Variants in MCRIP2 observed in about 807,000 individuals in gnomAD.
MCRIP2 encodes the protein MAPK regulated corepressor interacting protein 2.
Under a neutral mutation model 23.2 loss-of-function variants are expected in MCRIP2, and 21 were observed. That is an observed-to-expected ratio of 0.90 (90% CI 0.64 to 1.30). The LOEUF (loss-of-function observed/expected upper bound fraction) is 1.30. Among genes scored for constraint, MCRIP2 ranks in the 50% most tolerant of loss-of-function variants. The pLI is 0.00. For missense variants in MCRIP2, 234 were observed against 223.2 expected (o/e 1.05, Z -0.31); for synonymous variants, 121 against 100.2 (o/e 1.21, Z -1.24).
chr16:644,662 A>T (rs1354267944), intron 2 of MCRIP2, among the ~76,000 whole-genome samples: 1 of 152,028 alleles, frequency 6.6e-6, no homozygotes, highest in Non-Finnish European at 1.5e-5. Context: ...GTAGTATTCA[A>T]TTCCTGGGCT....
chr16:647,993 C>G (rs1567211388), intron 4 of MCRIP2, 109 bp downstream of exon 4: 104 of 1,192,384 alleles, frequency 8.7e-5, no homozygotes, highest in Non-Finnish European at 1.2e-4. Context: ...GACTCTTGTG[C>G]AGAAACCCCT....
chr16:646,973 A>C lies in MCRIP2; in HGVS notation c.183-444A>C. The C allele has an allele frequency of 5.8e-6, 1 of 172,000 alleles. No individual in the cohort carries two copies. Among genetic ancestry groups the C allele is most frequent in the Non-Finnish European group, 1.2e-5 (1 of 80,144 alleles). 10.7% of individuals were successfully genotyped at this position (172,000 alleles called of 1,614,324 possible). A position where few individuals can be genotyped will look rare whatever the true frequency, so the allele number is the denominator to read the frequency against. ...ATGGAGGTGCTTCTGTGGGGCGAGA[A>C]TGTGGCCTAGAACTACACCCAGAGT... On this transcript the variant is annotated intron_variant, in intron 2 of 4. Coordinates refer to ENST00000307650, the MANE Select transcript of MCRIP2 (RefSeq NM_138418.4). The surrounding 1 kb of genome is among the most constrained non-coding windows in gnomAD (Gnocchi z 6.5).
intron 2 of MCRIP2, among the ~76,000 whole-genome samples, chr16:644,862 T>G (rs2037437560): frequency 6.6e-6 from 1 of 152,124 alleles, no homozygotes; most frequent in Non-Finnish European, 1.5e-5. Context: ...TCAAGGCTTG[T>G]CACCCATGAT....
At chr16:643,750 G>T (rs1463588482) in intron 2 of MCRIP2, among the ~76,000 whole-genome samples, 7 of 151,912 alleles carry the variant, frequency 4.6e-5, no homozygotes, top group Non-Finnish European at 5.9e-5. Flanking sequence ...GCCAGGATGG[G>T]CTCGATCTCC....
At chr16:644,632 G>A (rs2037431995) in intron 2 of MCRIP2, among the ~76,000 whole-genome samples, 1 of 152,042 alleles carries the variant, frequency 6.6e-6, no homozygotes, top group South Asian at 2.1e-4. Context: ...ATGTAGACAG[G>A]TCTCACTATG....
intron 2 of MCRIP2, chr16:645,717 G>A (rs1567209708): frequency 6.6e-6 from 1 of 152,364 alleles, no homozygotes. Context: ...AAGGGACAAT[G>A]GAATGAACCC....
chr16:642,034 C>A lies in MCRIP2; in HGVS notation c.43C>A (p.Arg15Ser). 1 of 1,323,650 alleles carries A rather than the reference C, an allele frequency of 7.6e-7. No individual in the cohort carries two copies. The highest frequency in any genetic ancestry group is 9.6e-7 in the Non-Finnish European group (1 of 1,039,638). The allele number at this position is 1,323,650 out of a possible 1,614,324, so 82.0% of individuals were successfully genotyped here. ...TKGPSKLVAQ[R>S]RTGPTQQQVE... ...GGGGCCCAGCAAGCTGGTCGCGCAG[C>A]GCCGCACAGGTGCGCACGGGCCGGG... The change falls in exon 1 of 5, where the codon CGC becomes AGC. Residue 15 changes from arginine (R) to serine (S), a missense_variant. Coordinates refer to ENST00000307650, the MANE Select transcript of MCRIP2 (RefSeq NM_138418.4).
rs2037477206 is a variant in MCRIP2, at chr16:646,186, C to T, written c.183-1231C>T. 6.6e-6 allele frequency: 1 copy of T among 152,246 alleles called. No homozygotes were observed. Among genetic ancestry groups the T allele is most frequent in the Admixed American group, 6.5e-5 (1 of 15,290 alleles). 9.4% of individuals were successfully genotyped at this position (152,246 alleles called of 1,614,324 possible). ...CCGCCCTTCGATTCACAGCCCCTGG[C>T]AATGTTCTTGTCTTCTTAGACATTG... On this transcript the variant is annotated intron_variant, in intron 2 of 4. Coordinates refer to ENST00000307650, the MANE Select transcript of MCRIP2 (RefSeq NM_138418.4). The surrounding 1 kb of genome is among the most constrained non-coding windows in gnomAD (Gnocchi z 6.5).
At position 641,841 on chromosome 16, in the gene MCRIP2, G is replaced by T. The variant is rs910874386; in HGVS notation, c.-151G>T. 3 of 648,624 alleles carry T rather than the reference G, an allele frequency of 4.6e-6. No individual in the cohort carries two copies. Among genetic ancestry groups the T allele is most frequent in the Admixed American group, 4.5e-5 (1 of 21,986 alleles). The allele number at this position is 648,624 out of a possible 1,614,324, so 40.2% of individuals were successfully genotyped here. A position where few individuals can be genotyped will look rare whatever the true frequency, so the allele number is the denominator to read the frequency against. On this transcript the variant is annotated 5_prime_UTR_variant, in exon 1 of 5. Coordinates refer to ENST00000307650, the MANE Select transcript of MCRIP2 (RefSeq NM_138418.4). ...AGCGCCGCCTCCGCCGCGTGTCCGG[G>T]GTCAGCCCGAGCCCGTGCGGGCCCT...
chr16:644,384 C>T (rs942637167), intron 2 of MCRIP2, among the ~76,000 whole-genome samples: 2 of 152,058 alleles, frequency 1.3e-5, no homozygotes, highest in African/African-American at 2.4e-5. Context: ...CTTGGCCAAC[C>T]ACCTTCCCTC....
Position 646,976 on chromosome 16 carries a change from T to A in MCRIP2, c.183-441T>A. ...GAGGTGCTTCTGTGGGGCGAGAATGTGGCCTAGAACTACACCCAGAGTGGG... is the reference window on the plus strand; with the variant it reads ...GAGGTGCTTCTGTGGGGCGAGAATGAGGCCTAGAACTACACCCAGAGTGGG... On this transcript the variant is annotated intron_variant, in intron 2 of 4. Coordinates refer to ENST00000307650, the MANE Select transcript of MCRIP2 (RefSeq NM_138418.4). The surrounding 1 kb of genome is among the most constrained non-coding windows in gnomAD (Gnocchi z 6.5). The A allele has an allele frequency of 6.1e-6, 1 of 164,776 alleles. No homozygotes were observed. The highest frequency in any genetic ancestry group is 1.3e-5 in the Non-Finnish European group (1 of 76,162). 10.2% of individuals were successfully genotyped at this position (164,776 alleles called of 1,614,324 possible).
intron 2 of MCRIP2, chr16:642,580 G>A (rs911680674): frequency 6.1e-5 from 10 of 163,706 alleles, no homozygotes; most frequent in Non-Finnish European, 9.2e-5. Flanking sequence ...AGCAGGCCCA[G>A]GCCACGGTTC....
At chr16:647,663 T>C (rs1403789512) in intron 3 of MCRIP2, 119 bp downstream of exon 3, 2 of 1,529,468 alleles carry the variant, frequency 1.3e-6, no homozygotes, top group African/African-American at 1.4e-5. Flanking sequence ...TCCTTGGCAC[T>C]CTGCCCTTGT....
chr16:645,261 CTT>C (rs1294843844), intron 2 of MCRIP2: 3 of 148,204 alleles, frequency 2.0e-5, no homozygotes, highest in Admixed American at 6.7e-5. Flanking sequence ...GCCCGGCCAC[CTT>C]TGTTTGTTTT....
intron 2 of MCRIP2, 43 bp downstream of exon 2, chr16:642,292 C>T (rs559682152): frequency 7.8e-6 from 9 of 1,147,876 alleles, no homozygotes; most frequent in South Asian, 8.5e-5. Context: ...CCGGCTTCCC[C>T]TCCCCCGCCG....
chr16:648,331 T>TTGGCCCGGCTGTCCCAACCAAGCTGCCA lies in MCRIP2; in HGVS notation c.*147_*174dup, dbSNP rs1198945765. The TTGGCCCGGCTGTCCCAACCAAGCTGCCA allele has an allele frequency of 3.1e-5, 27 of 861,972 alleles. No homozygotes were observed. The East Asian group carries it at 7.2e-4, about 23-fold the overall frequency. 53.4% of individuals were successfully genotyped at this position (861,972 alleles called of 1,614,324 possible). On this transcript the variant is annotated 3_prime_UTR_variant, in exon 5 of 5. Coordinates refer to ENST00000307650, the MANE Select transcript of MCRIP2 (RefSeq NM_138418.4). The stretch of plus-strand genomic sequence containing the variant: ...TTGGACTTTTGCACCTTTTTTTCCC[T>TTGGCCCGGCTGTCCCAACCAAGCTGCCA]TGGCCCGGCTGTCCCAACCAAGCTG...
chr16:648,249 C>G lies in MCRIP2; in HGVS notation c.*59C>G. 2 of 1,517,620 alleles carry G rather than the reference C, an allele frequency of 1.3e-6. No individual in the cohort carries two copies. The highest frequency in any genetic ancestry group is 4.7e-5 in the East Asian group (2 of 42,264). The allele number at this position is 1,517,620 out of a possible 1,614,324, so 94.0% of individuals were successfully genotyped here. On this transcript the variant is annotated 3_prime_UTR_variant, in exon 5 of 5. Coordinates refer to ENST00000307650, the MANE Select transcript of MCRIP2 (RefSeq NM_138418.4). ...ACCTGTCGCCAGGAGAGAAGCATGG[C>G]GCCCTGCCCACCCACTGCGCCTGGC...
chr16:641,987 G>C lies in MCRIP2; in HGVS notation c.-5G>C, dbSNP rs952833638. The C allele has an allele frequency of 1.5e-6, 2 of 1,318,288 alleles. No individual in the cohort carries two copies. Among genetic ancestry groups the C allele is most frequent in the Admixed American group, 3.9e-5 (1 of 25,506 alleles). The allele number at this position is 1,318,288 out of a possible 1,614,324, so 81.7% of individuals were successfully genotyped here. A position where few individuals can be genotyped will look rare whatever the true frequency, so the allele number is the denominator to read the frequency against. On this transcript the variant is annotated 5_prime_UTR_variant, in exon 1 of 5. Coordinates refer to ENST00000307650, the MANE Select transcript of MCRIP2 (RefSeq NM_138418.4). Reference sequence around the variant, plus strand: ...GGGCCGGCGGCGGTGTGGGAGCGGCGCGTCATGTACACCATCACCAAGGGG... The same window carrying C: ...GGGCCGGCGGCGGTGTGGGAGCGGCCCGTCATGTACACCATCACCAAGGGG...
Position 648,350 on chromosome 16 carries a change from C to A in MCRIP2, c.*160C>A. ...TTTCCCTTGGCCCGGCTGTCCCAAC[C>A]AAGCTGCCATGGCCAAGGGCCGAAC... is the stretch of plus-strand genomic sequence containing the variant. On this transcript the variant is annotated 3_prime_UTR_variant, in exon 5 of 5. Coordinates refer to ENST00000307650, the MANE Select transcript of MCRIP2 (RefSeq NM_138418.4). The A allele has an allele frequency of 1.3e-6, 1 of 764,320 alleles. No homozygotes were observed. The allele number at this position is 764,320 out of a possible 1,614,324, so 47.3% of individuals were successfully genotyped here. A position where few individuals can be genotyped will look rare whatever the true frequency, so the allele number is the denominator to read the frequency against.
Sources: allele counts gnomAD v4.1 joint callset (sites outside exome capture counted in the v4.1 genomes callset), GRCh38; gene constraint gnomAD v4.1.1; non-coding constraint Gnocchi (gnomAD v3.1); transcripts MANE v1.5; gene names NCBI Gene and HGNC (gene_info 2026-07-23, HGNC 2026-07-21).